Variants in GRM7 observed in about 807,000 individuals in gnomAD.
GRM7 encodes the protein glutamate metabotropic receptor 7, also known as metabotropic glutamate receptor 7.
A neutral mutation model predicts 84.5 loss-of-function variants in GRM7; 35 were observed. That is an observed-to-expected ratio of 0.41 (90% confidence interval 0.32 to 0.55). GRM7 has a LOEUF of 0.55. Among genes scored for constraint, GRM7 ranks in the 20% least tolerant of loss-of-function variants. The probability of loss-of-function intolerance (pLI) is 0.19; values close to 1 mark genes in which losing one functional copy is unlikely to be tolerated. For synonymous variants in GRM7, 487 were observed against 455.1 expected (o/e 1.07, Z -0.89); for missense variants, 1,003 against 1,194.6 (o/e 0.84, Z 2.36).
At chr3:7,665,728 A>G (rs1443693418) in intron 8 of GRM7, among the ~76,000 whole-genome samples, 3 of 152,138 alleles carry the variant, frequency 2.0e-5, no homozygotes, top group Non-Finnish European at 4.4e-5. Flanking sequence ...TAGAGTCCCA[A>G]AGACCTCAAC....
chr3:6,965,196 C>T (rs980608465), intron 1 of GRM7, among the ~76,000 whole-genome samples: 1 of 152,200 alleles, frequency 6.6e-6, no homozygotes, highest in Non-Finnish European at 1.5e-5. Flanking sequence ...AAAACTAATG[C>T]AGCTGAAGCA....
At chr3:7,483,488 T>G (rs79951840) in intron 7 of GRM7, among the ~76,000 whole-genome samples, 11,655 of 152,054 alleles carry the variant, frequency 0.077, 1,484 homozygotes, top group African/African-American at 0.26. Flanking sequence ...AAGAAGCCAA[T>G]GTGATTGACA....
intron 9 of GRM7, among the ~76,000 whole-genome samples, chr3:7,730,579 A>T (rs1359905150): frequency 6.6e-6 from 1 of 152,228 alleles, no homozygotes; most frequent in Non-Finnish European, 1.5e-5. Context: ...TAAAAGTTCA[A>T]TAAATGTATA....
chr3:6,924,924 G>A (rs944674060), intron 1 of GRM7, among the ~76,000 whole-genome samples: 10 of 152,230 alleles, frequency 6.6e-5, no homozygotes, highest in African/African-American at 2.4e-4. Flanking sequence ...TGGGAGTCAT[G>A]ATATTAGGGC....
intron 1 of GRM7, among the ~76,000 whole-genome samples, chr3:7,040,712 C>T (rs1415589307): frequency 6.6e-6 from 1 of 152,026 alleles, no homozygotes; most frequent in African/African-American, 2.4e-5. Context: ...CAGGATGGGC[C>T]TTGCTGGAGA....
At chr3:7,376,192 C>G (rs1694341675) in intron 4 of GRM7, among the ~76,000 whole-genome samples, 1 of 152,148 alleles carries the variant, frequency 6.6e-6, no homozygotes, top group Non-Finnish European at 1.5e-5. Context: ...TTCTTACACC[C>G]ATGGTTCTCG....
intron 7 of GRM7, among the ~76,000 whole-genome samples, chr3:7,572,870 ATATATATAT>A (rs1694767222): frequency 4.4e-5 from 3 of 67,812 alleles, no homozygotes; most frequent in Non-Finnish European, 9.3e-5. Flanking sequence ...ATATATATAT[ATATATATAT>A]AAATAATCTT....
chr3:7,402,886 T>G (rs1418646323), intron 4 of GRM7, among the ~76,000 whole-genome samples: 7 of 151,832 alleles, frequency 4.6e-5, no homozygotes, highest in African/African-American at 1.7e-4. Flanking sequence ...TGCTTTCTTT[T>G]CCCCTCAATC....
intron 9 of GRM7, among the ~76,000 whole-genome samples, chr3:7,727,467 G>A (rs1196971475): frequency 1.3e-5 from 2 of 152,112 alleles, no homozygotes; most frequent in African/African-American, 4.8e-5. Flanking sequence ...TAGTTTCTTT[G>A]ACTCAGAGGA....
At chr3:7,110,785 G>C (rs1029240521) in intron 1 of GRM7, among the ~76,000 whole-genome samples, 1 of 151,998 alleles carries the variant, frequency 6.6e-6, no homozygotes, top group Non-Finnish European at 1.5e-5. Flanking sequence ...GTCTGGGAGG[G>C]GAGAAGAATG....
intron 8 of GRM7, among the ~76,000 whole-genome samples, chr3:7,611,981 C>T (rs1210974407): frequency 6.6e-6 from 1 of 152,118 alleles, no homozygotes; most frequent in East Asian, 1.9e-4. Context: ...AACCAATAGT[C>T]CAGAATTTTG....
intron 1 of GRM7, among the ~76,000 whole-genome samples, chr3:6,923,190 T>C (rs1697182615): frequency 6.6e-6 from 1 of 152,014 alleles, no homozygotes; most frequent in Non-Finnish European, 1.5e-5. Flanking sequence ...AATTTTTGTA[T>C]TTTTAGTAGA....
chr3:6,953,855 A>G (rs1283324475), intron 1 of GRM7, among the ~76,000 whole-genome samples: 1 of 152,124 alleles, frequency 6.6e-6, no homozygotes, highest in Non-Finnish European at 1.5e-5. Context: ...CATAAGCCAG[A>G]TAGGGAAGTT....
intron 2 of GRM7, among the ~76,000 whole-genome samples, chr3:7,190,888 C>G (rs1695689236): frequency 6.6e-6 from 1 of 152,010 alleles, no homozygotes; most frequent in African/African-American, 2.4e-5. Flanking sequence ...TATGAGAAAT[C>G]CATTTTCCAG....
Position 6,863,714 on chromosome 3 carries a change from A to G in GRM7, c.519+1807A>G, listed in dbSNP as rs1694842608. Among the ~76,000 whole-genome samples the G allele has an allele frequency of 6.6e-6, 1 of 152,138 alleles. No individual in the cohort carries two copies. The highest frequency in any genetic ancestry group is 2.4e-5 in the African/African-American group (1 of 41,424). On this transcript the variant is annotated intron_variant, in intron 1 of 9. Transcript: ENST00000357716. The surrounding 1 kb of genome is among the most constrained non-coding windows in gnomAD (Gnocchi z 4.8). ...AGCGGGAGAGGATGAGGTCAGAGACATTACCTGAGAACCACTGGGGGCTGG... is the reference window on the plus strand; with the variant it reads ...AGCGGGAGAGGATGAGGTCAGAGACGTTACCTGAGAACCACTGGGGGCTGG...
chr3:7,539,283 G>A (rs1352313106), intron 7 of GRM7, among the ~76,000 whole-genome samples: 5 of 152,116 alleles, frequency 3.3e-5, no homozygotes, highest in South Asian at 2.1e-4. Flanking sequence ...AAAATGTCAC[G>A]AGAACAGCGT....
chr3:7,244,433 TA>T (rs1697678918), intron 2 of GRM7, among the ~76,000 whole-genome samples: 2 of 152,044 alleles, frequency 1.3e-5, no homozygotes, highest in Non-Finnish European at 2.9e-5. Flanking sequence ...GACAAGATTC[TA>T]AAATATTCAA....
At chr3:7,554,718 A>T (rs1693677363) in intron 7 of GRM7, among the ~76,000 whole-genome samples, 1 of 152,162 alleles carries the variant, frequency 6.6e-6, no homozygotes, top group Non-Finnish European at 1.5e-5. Flanking sequence ...TACTCTCTTC[A>T]TTAGTTGGTG....
At chr3:6,888,447 T>C (rs997014663) in intron 1 of GRM7, among the ~76,000 whole-genome samples, 1 of 152,304 alleles carries the variant, frequency 6.6e-6, no homozygotes, top group Non-Finnish European at 1.5e-5. Context: ...GCTTTCTACA[T>C]ATGGCTGGCC....
Sources: gnomAD v4.1 joint callset for allele counts (sites outside exome capture counted in the v4.1 genomes callset) on GRCh38, gnomAD v4.1.1 for gene constraint, Gnocchi (gnomAD v3.1) non-coding constraint, MANE v1.5 for transcripts, NCBI Gene and HGNC (gene_info 2026-07-23, HGNC 2026-07-21) for gene names.